TENM3: variants seen among roughly 807,000 people sequenced by gnomAD.
The protein encoded by TENM3 is teneurin-3.
A neutral mutation model predicts 255.1 loss-of-function variants in TENM3; 63 were observed. That is an observed-to-expected ratio of 0.25 (90% confidence interval 0.20 to 0.30). The LOEUF (loss-of-function observed/expected upper bound fraction) is 0.30, where lower values mean the gene tolerates loss of function less well. Among genes scored for constraint, TENM3 ranks in the 10% least tolerant of loss-of-function variants. TENM3 has a pLI of 1.00. For synonymous variants in TENM3, 1,306 were observed against 1,322.3 expected (o/e 0.99, Z 0.27); for missense variants, 2,929 against 3,461.1 (o/e 0.85, Z 3.86).
chr4:181,764,347 C>T, the TENM3 span, among the ~76,000 whole-genome samples: 1 of 152,146 alleles, frequency 6.6e-6, no homozygotes, highest in Non-Finnish European at 1.5e-5. Context: ...TACCTGCTTC[C>T]ACTCCACTGC....
the TENM3 span, among the ~76,000 whole-genome samples, chr4:181,747,445 G>A: frequency 6.6e-6 from 1 of 152,000 alleles, no homozygotes; most frequent in Non-Finnish European, 1.5e-5. Flanking sequence ...GTCTTCCCTA[G>A]TGGTAACATC....
chr4:182,702,238 A>C (rs1757928863), intron 12 of TENM3, among the ~76,000 whole-genome samples: 1 of 152,122 alleles, frequency 6.6e-6, no homozygotes, highest in African/African-American at 2.4e-5. Context: ...AAGGAAGAAA[A>C]CTTCCTGATT....
rs1460075558 is a variant in TENM3, at chr4:182,789,785, G to C, written c.5601+396G>C. Among the ~76,000 whole-genome samples the C allele has an allele frequency of 1.3e-5, 2 of 152,346 alleles. No homozygotes were observed. Among genetic ancestry groups the C allele is most frequent in the East Asian group, 3.9e-4 (2 of 5,192 alleles). On this transcript the variant is annotated intron_variant, in intron 25 of 27. Coordinates refer to ENST00000511685, the MANE Select transcript of TENM3 (RefSeq NM_001080477.4). This position sits in a 1 kb window ranked among gnomAD's most constrained non-coding sequence, Gnocchi z 4.4. ...GCACAGTTAAAGCTGTCAGCTTTGT[G>C]TTATTCCTGGCAGAGCTTCAACATA...
chr4:182,232,454 G>A (rs1257380037), intron 1 of TENM3, among the ~76,000 whole-genome samples: 3 of 152,166 alleles, frequency 2.0e-5, no homozygotes, highest in Non-Finnish European at 4.4e-5. Context: ...GGACAAACGC[G>A]TTGGCTCACA....
the TENM3 span, among the ~76,000 whole-genome samples, chr4:181,920,251 T>G: frequency 1.3e-5 from 2 of 152,060 alleles, no homozygotes; most frequent in Non-Finnish European, 2.9e-5. Flanking sequence ...ATATACCCAG[T>G]AATGGGTTGG....
At chr4:181,979,501 A>G in the TENM3 span, among the ~76,000 whole-genome samples, 1 of 152,136 alleles carries the variant, frequency 6.6e-6, no homozygotes, top group Non-Finnish European at 1.5e-5. Context: ...AGGTATATAT[A>G]AAGTGAAAGT....
the TENM3 span, among the ~76,000 whole-genome samples, chr4:181,899,123 GT>G: frequency 2.6e-5 from 4 of 151,550 alleles, no homozygotes; most frequent in African/African-American, 9.7e-5. Context: ...TTGGGCTAAT[GT>G]TTTTTTTCCA....
chr4:182,006,392 C>T, the TENM3 span, among the ~76,000 whole-genome samples: 5 of 152,114 alleles, frequency 3.3e-5, no homozygotes, highest in Admixed American at 3.3e-4. Context: ...TAATTACGGC[C>T]TCAGTTTCAG....
At chr4:181,580,480 G>A in the TENM3 span, among the ~76,000 whole-genome samples, 23 of 152,234 alleles carry the variant, frequency 1.5e-4, no homozygotes, top group South Asian at 4.2e-4. Flanking sequence ...TTACTGTCTC[G>A]CAGATGATGG....
chr4:181,935,586 C>T, the TENM3 span, among the ~76,000 whole-genome samples: 9 of 152,210 alleles, frequency 5.9e-5, no homozygotes, highest in Non-Finnish European at 1.0e-4. Flanking sequence ...AATCATGCCA[C>T]TCTTCACTCT....
At chr4:182,722,358 C>G (rs1219727470) in intron 13 of TENM3, among the ~76,000 whole-genome samples, 4 of 152,128 alleles carry the variant, frequency 2.6e-5, no homozygotes, top group Non-Finnish European at 1.5e-5. Flanking sequence ...TTAGAACTCA[C>G]AATCTTTAGG....
At chr4:182,578,925 C>T (rs188314695) in intron 3 of TENM3, among the ~76,000 whole-genome samples, 7 of 152,322 alleles carry the variant, frequency 4.6e-5, no homozygotes, top group Admixed American at 4.6e-4. Context: ...TTAGTCTACA[C>T]TTTAAGCCTT....
upstream of TENM3, among the ~76,000 whole-genome samples, chr4:182,140,875 G>C (rs12650536): frequency 0.38 from 57,714 of 152,120 alleles, 11,135 homozygotes; most frequent in Middle Eastern, 0.43. Context: ...GACTTGACCC[G>C]CGGGGAGGCG....
intron 22 of TENM3, among the ~76,000 whole-genome samples, chr4:182,763,456 T>G (rs1023804642): frequency 1.3e-5 from 2 of 151,900 alleles, no homozygotes; most frequent in Non-Finnish European, 2.9e-5. Flanking sequence ...TCCCAGCTAC[T>G]CGGGAGGCTG....
At chr4:182,603,397 A>G (rs927368813) in intron 4 of TENM3, among the ~76,000 whole-genome samples, 4 of 152,284 alleles carry the variant, frequency 2.6e-5, no homozygotes, top group Admixed American at 2.0e-4. Context: ...TACACTAACA[A>G]ATTTTAATCT....
the TENM3 span, among the ~76,000 whole-genome samples, chr4:181,669,695 C>G: frequency 6.6e-6 from 1 of 152,302 alleles, no homozygotes; most frequent in East Asian, 1.9e-4. Context: ...TGCCCCCTTT[C>G]TAACTTGCAA....
the TENM3 span, among the ~76,000 whole-genome samples, chr4:181,494,576 G>A: frequency 3.3e-5 from 5 of 150,506 alleles, no homozygotes; most frequent in South Asian, 2.2e-4. Context: ...ATGAGCCACC[G>A]CACCCGGCTC....
At chr4:182,147,216 C>T (rs772729778) in intron 1 of TENM3, among the ~76,000 whole-genome samples, 1 of 152,084 alleles carries the variant, frequency 6.6e-6, no homozygotes, top group Non-Finnish European at 1.5e-5. Flanking sequence ...GCGTGGCTAT[C>T]GTTGTGAGTA....
At chr4:182,159,515 G>C (rs939454386) in intron 1 of TENM3, among the ~76,000 whole-genome samples, 9 of 151,848 alleles carry the variant, frequency 5.9e-5, no homozygotes, top group African/African-American at 2.2e-4. Flanking sequence ...CTTTCCAGCC[G>C]TCAGAATGCT....
Sources: allele counts gnomAD v4.1 joint callset (sites outside exome capture counted in the v4.1 genomes callset), GRCh38; gene constraint gnomAD v4.1.1; non-coding constraint Gnocchi (gnomAD v3.1); transcripts MANE v1.5; gene names NCBI Gene and HGNC (gene_info 2026-07-23, HGNC 2026-07-21).